Variants in CERS4 observed in about 807,000 individuals in gnomAD.
The protein encoded by CERS4 is ceramide synthase 4.
In CERS4, 65 loss-of-function variants were observed where a neutral mutation model predicts 51.8. That is an observed-to-expected ratio of 1.26 (90% confidence interval 1.03 to 1.54). CERS4 has a LOEUF of 1.54. Ranked by LOEUF, CERS4 falls within the 40% of genes most tolerant of loss-of-function variation. The pLI is 0.00. For synonymous variants in CERS4, 228 were observed against 208.4 expected (o/e 1.09, Z -0.81); for missense variants, 563 against 500.4 (o/e 1.13, Z -1.19).
intron 2 of CERS4, among the ~76,000 whole-genome samples, chr19:8,233,682 C>T (rs1331302055): frequency 1.3e-5 from 2 of 152,016 alleles, no homozygotes; most frequent in African/African-American, 2.4e-5. Context: ...TTCCTCCACC[C>T]CATACCTCCT....
chr19:8,255,667 T>C lies in CERS4; in HGVS notation c.352T>C (p.Phe118Leu), dbSNP rs1276167158. 6.2e-7 allele frequency: 1 copy of C among 1,612,792 alleles called. No homozygotes were observed. Among genetic ancestry groups the C allele is most frequent in the Non-Finnish European group, 8.5e-7 (1 of 1,179,804 alleles). The change falls in exon 5 of 12, where the codon TTC (phenylalanine) becomes CTC (leucine). Residue 118 changes from phenylalanine (F) to leucine (L), a missense_variant. Physicochemically the swap from Phe to Leu is conservative, Grantham distance 22 (BLOSUM62 0). Transcript: ENST00000251363. ...CACGCTGCAGCAGACCCAGCGATGG[T>C]TCCGGAGACGCCGGAACCAGGATCG... ...GLTLQQTQRW[F>L]RRRRNQDRPQ...
chr19:8,245,122 A>ACAAAACAAACAAAAAAAAAAAAAC (rs755450125), intron 2 of CERS4, among the ~76,000 whole-genome samples: 1 of 129,284 alleles, frequency 7.7e-6, no homozygotes, highest in African/African-American at 3.2e-5. Flanking sequence ...AAAAAAAAAA[A>ACAAAACAAACAAAAAAAAAAAAAC]AAAAAAAAAA....
Position 8,261,974 on chromosome 19 carries a change from T to TGAG in CERS4, c.1055_1057dup (p.Glu352dup), listed in dbSNP as rs1461524283. The TGAG allele has an allele frequency of 2.5e-6, 4 of 1,602,996 alleles. No individual in the cohort carries two copies. Among genetic ancestry groups the TGAG allele is most frequent in the South Asian group, 2.2e-5 (2 of 89,776 alleles). On this transcript the variant is annotated inframe_insertion, in exon 12 of 12. Transcript: ENST00000251363. Reference sequence around the variant, plus strand: ...GTGATGTAGAAGAATCAGACTCCAGTGAGGAGGCGGCGGCGGCCCAGGAAC... The same window carrying TGAG: ...GTGATGTAGAAGAATCAGACTCCAGTGAGGAGGAGGCGGCGGCGGCCCAGGAAC...
At chr19:8,257,794 A>G (rs1306796863) in intron 9 of CERS4, 85 bp from the exon 10 acceptor site, 6 of 1,012,050 alleles carry the variant, frequency 5.9e-6, no homozygotes, top group Middle Eastern at 2.0e-4. Context: ...CCCCACCCCA[A>G]CTCACCTGGT....
At chr19:8,247,718 C>G (rs1968851103) in intron 2 of CERS4, among the ~76,000 whole-genome samples, 1 of 148,738 alleles carries the variant, frequency 6.7e-6, no homozygotes, top group African/African-American at 2.5e-5. Context: ...CTTTGCCTGG[C>G]CTGACCTCCG....
chr19:8,231,631 C>T (rs774564544), intron 2 of CERS4, among the ~76,000 whole-genome samples: 5 of 151,016 alleles, frequency 3.3e-5, no homozygotes, highest in African/African-American at 4.9e-5. Context: ...TCACTGCAAG[C>T]TCCACCTCCT....
At chr19:8,219,024 T>C (rs1167719320) in intron 2 of CERS4, among the ~76,000 whole-genome samples, 2 of 152,036 alleles carry the variant, frequency 1.3e-5, no homozygotes, top group African/African-American at 4.8e-5. Context: ...CTGGCCAACG[T>C]GGTAAAACCC....
chr19:8,230,671 T>A (rs1160044173), intron 2 of CERS4, among the ~76,000 whole-genome samples: 1 of 152,228 alleles, frequency 6.6e-6, no homozygotes, highest in Non-Finnish European at 1.5e-5. Context: ...TTACTTAAAC[T>A]TTTTTCTTCT....
intron 2 of CERS4, among the ~76,000 whole-genome samples, chr19:8,231,794 C>T (rs561841477): frequency 1.7e-4 from 25 of 150,558 alleles, no homozygotes; most frequent in South Asian, 6.3e-4. Flanking sequence ...CCTCGTGATC[C>T]GCCTGCCTTG....
chr19:8,226,146 G>A (rs563188482), intron 2 of CERS4, among the ~76,000 whole-genome samples: 18 of 152,026 alleles, frequency 1.2e-4, no homozygotes, highest in African/African-American at 3.4e-4. Flanking sequence ...GCAGTGAGCC[G>A]AAGTCACACC....
At chr19:8,215,710 A>G (rs992201301) in intron 2 of CERS4, among the ~76,000 whole-genome samples, 15 of 152,078 alleles carry the variant, frequency 9.9e-5, no homozygotes, top group South Asian at 2.1e-4. Flanking sequence ...GAGCCACGGC[A>G]CTGTGACCCG....
At chr19:8,216,696 T>A (rs1329794546) in intron 2 of CERS4, among the ~76,000 whole-genome samples, 1 of 152,126 alleles carries the variant, frequency 6.6e-6, no homozygotes, top group African/African-American at 2.4e-5. Context: ...AAATTTCTTG[T>A]CTACTCTGTT....
In CERS4 at chr19:8,223,171, C is replaced by CA. The variant is rs915136657; in HGVS notation, c.-2+12320dup. On this transcript the variant is annotated intron_variant, in intron 2 of 11. Transcript: ENST00000251363. ...CAACATAGGGAAACCCTGTCTCTGC[C>CA]AAAAAAAAAAATTAGCTGGGCATGG... is the stretch of plus-strand genomic sequence containing the variant. Among the ~76,000 whole-genome samples, 381 of 137,740 alleles carry CA rather than the reference C, an allele frequency of 2.8e-3. 2 individuals carry two copies. The highest frequency in any genetic ancestry group is 8.9e-3 in the African/African-American group (333 of 37,474). 90.4% of individuals were successfully genotyped at this position (137,740 alleles called of 152,430 possible). A position where few individuals can be genotyped will look rare whatever the true frequency, so the allele number is the denominator to read the frequency against.
chr19:8,238,205 C>G (rs1035902890), intron 2 of CERS4, among the ~76,000 whole-genome samples: 1 of 152,070 alleles, frequency 6.6e-6, no homozygotes, highest in Admixed American at 6.6e-5. Flanking sequence ...CTGACCATCA[C>G]TAACTGGGGA....
At chr19:8,256,068 G>T (rs1018399325) in intron 6 of CERS4, 168 bp from the exon 7 acceptor site, 4 of 940,560 alleles carry the variant, frequency 4.3e-6, no homozygotes, top group African/African-American at 3.3e-5. Context: ...CAAAAGTTGG[G>T]GTTCTGCAGT....
At chr19:8,217,622 C>T (rs1472567661) in intron 2 of CERS4, among the ~76,000 whole-genome samples, 6 of 151,598 alleles carry the variant, frequency 4.0e-5, no homozygotes, top group Admixed American at 3.3e-4. Context: ...CTGCAAGCTC[C>T]GCCTCCCGGG....
chr19:8,214,171 T>C (rs543857264), intron 2 of CERS4, among the ~76,000 whole-genome samples: 1 of 151,156 alleles, frequency 6.6e-6, no homozygotes, highest in South Asian at 2.1e-4. Context: ...ACACTGTGTC[T>C]GAAGAGTGAT....
At chr19:8,253,282 T>C (rs2145303655) in intron 3 of CERS4, among the ~76,000 whole-genome samples, 1 of 152,130 alleles carries the variant, frequency 6.6e-6, no homozygotes, top group East Asian at 1.9e-4. Context: ...CCCCAGCCCC[T>C]GCCCATGGGG....
intron 2 of CERS4, among the ~76,000 whole-genome samples, chr19:8,243,121 G>C (rs774123938): frequency 4.9e-5 from 7 of 144,320 alleles, no homozygotes; most frequent in African/African-American, 1.0e-4. Flanking sequence ...TTGAACCCAG[G>C]AGTTTGAGGC....
Sources: gnomAD v4.1 joint callset for allele counts (sites outside exome capture counted in the v4.1 genomes callset) on GRCh38, gnomAD v4.1.1 for gene constraint, MANE v1.5 for transcripts, NCBI Gene and HGNC (gene_info 2026-07-23, HGNC 2026-07-21) for gene names.